Variants in LINC00305 observed in about 807,000 individuals in gnomAD.
LINC00305 encodes the protein long intergenic non-protein coding RNA 305.
chr18:64,124,221 C>A (rs1003946437), intron 1 of LINC00305, among the ~76,000 whole-genome samples: 1 of 152,132 alleles, frequency 6.6e-6, no homozygotes, highest in East Asian at 1.9e-4. Context: ...AGTATTTAAG[C>A]TCTGCATGGC....
At chr18:64,138,148 A>C (rs2051443983) in intron 1 of LINC00305, among the ~76,000 whole-genome samples, 1 of 152,208 alleles carries the variant, frequency 6.6e-6, no homozygotes, top group Non-Finnish European at 1.5e-5. Context: ...GAAGGCAGTC[A>C]GTTTGCAGGT....
chr18:64,094,742 A>G (rs2051238216), intron 3 of LINC00305, among the ~76,000 whole-genome samples: 1 of 152,108 alleles, frequency 6.6e-6, no homozygotes, highest in Non-Finnish European at 1.5e-5. Context: ...AGGTGCCTGT[A>G]ATCCCAGCTA....
At chr18:64,130,251 C>G (rs117031618) in intron 1 of LINC00305, among the ~76,000 whole-genome samples, 4 of 152,040 alleles carry the variant, frequency 2.6e-5, no homozygotes, top group Admixed American at 2.0e-4. Flanking sequence ...TTTTGTGCTT[C>G]TCATTCTTAG....
At chr18:64,121,809 C>G (rs186075949) in intron 1 of LINC00305, among the ~76,000 whole-genome samples, 1 of 152,118 alleles carries the variant, frequency 6.6e-6, no homozygotes, top group South Asian at 2.1e-4. Context: ...TTCCCAGGAA[C>G]AGTGTATAAG....
At chr18:64,100,497 C>T (rs1213045660) in intron 1 of LINC00305, among the ~76,000 whole-genome samples, 1 of 152,106 alleles carries the variant, frequency 6.6e-6, no homozygotes, top group East Asian at 1.9e-4. Context: ...TGAAATCAGT[C>T]CATCTTCTTC....
chr18:64,129,733 G>T (rs1183352469), intron 1 of LINC00305, among the ~76,000 whole-genome samples: 1 of 152,076 alleles, frequency 6.6e-6, no homozygotes, highest in Non-Finnish European at 1.5e-5. Flanking sequence ...TTTGCCTTAT[G>T]TGATATTTAC....
chr18:64,148,693 C>G (rs1290760968), intron 1 of LINC00305: 1 of 152,132 alleles, frequency 6.6e-6, no homozygotes, highest in African/African-American at 2.4e-5. Flanking sequence ...CATACAGTGG[C>G]CATAAGGTGG....
chr18:64,089,114 C>T (rs1599205352), intron 3 of LINC00305, among the ~76,000 whole-genome samples: 1 of 152,304 alleles, frequency 6.6e-6, no homozygotes, highest in African/African-American at 2.4e-5. Flanking sequence ...ACTCAAATCT[C>T]ATCTTGAATC....
intron 1 of LINC00305, among the ~76,000 whole-genome samples, chr18:64,134,747 G>A (rs936147016): frequency 6.6e-6 from 1 of 152,104 alleles, no homozygotes; most frequent in Non-Finnish European, 1.5e-5. Context: ...CAAAACAAAA[G>A]TGTACATGTG....
intron 3 of LINC00305, among the ~76,000 whole-genome samples, chr18:64,086,198 T>C (rs889884329): frequency 6.6e-6 from 1 of 152,236 alleles, no homozygotes; most frequent in African/African-American, 2.4e-5. Flanking sequence ...TAATAATCAC[T>C]TAAAGTCATA....
intron 1 of LINC00305, among the ~76,000 whole-genome samples, chr18:64,103,857 CA>C (rs1175873635): frequency 1.3e-5 from 2 of 152,110 alleles, no homozygotes; most frequent in East Asian, 3.8e-4. Context: ...ATTTTAGCCT[CA>C]AAAAATGTAG....
intron 3 of LINC00305, among the ~76,000 whole-genome samples, chr18:64,084,508 TTGC>T (rs2051196214): frequency 6.6e-6 from 1 of 152,258 alleles, no homozygotes; most frequent in Non-Finnish European, 1.5e-5. Context: ...AAAAACAATG[TTGC>T]TGACCTCTTT....
At chr18:64,127,677 C>T (rs1227113985) in intron 1 of LINC00305, among the ~76,000 whole-genome samples, 1 of 152,072 alleles carries the variant, frequency 6.6e-6, no homozygotes, top group Non-Finnish European at 1.5e-5. Flanking sequence ...ACCAAGGAAG[C>T]AACCCCTTTA....
chr18:64,082,885 T>C (rs1028989746), intron 3 of LINC00305, among the ~76,000 whole-genome samples: 1 of 152,172 alleles, frequency 6.6e-6, no homozygotes, highest in African/African-American at 2.4e-5. Flanking sequence ...ATCTTTCTTC[T>C]TTTAAAATTC....
chr18:64,105,214 A>G (rs2051285085), intron 1 of LINC00305, among the ~76,000 whole-genome samples: 1 of 152,154 alleles, frequency 6.6e-6, no homozygotes. Context: ...TAATCCCAGC[A>G]CTTAGGGAGG....
At chr18:64,144,770 T>C (rs1417734165) in intron 1 of LINC00305, among the ~76,000 whole-genome samples, 1 of 152,170 alleles carries the variant, frequency 6.6e-6, no homozygotes, top group Non-Finnish European at 1.5e-5. Flanking sequence ...GTAAAGACAA[T>C]GCCAGGTTGG....
intron 1 of LINC00305, among the ~76,000 whole-genome samples, chr18:64,107,563 A>G (rs1029726253): frequency 2.0e-5 from 3 of 152,350 alleles, no homozygotes; most frequent in Non-Finnish European, 2.9e-5. Flanking sequence ...TGACTGATGA[A>G]AATGAATGGA....
chr18:64,092,028 G>T (rs927205085), intron 3 of LINC00305, among the ~76,000 whole-genome samples: 4 of 152,132 alleles, frequency 2.6e-5, no homozygotes, highest in African/African-American at 4.8e-5. Context: ...AATAAAAATG[G>T]ATTAGTTCAT....
chr18:64,143,616 A>G (rs1347634604), intron 1 of LINC00305, among the ~76,000 whole-genome samples: 17 of 123,778 alleles, frequency 1.4e-4, no homozygotes, highest in Admixed American at 4.5e-4. Flanking sequence ...GTACATATGT[A>G]CACATATGTA....
Sources: allele counts gnomAD v4.1 joint callset (sites outside exome capture counted in the v4.1 genomes callset), GRCh38; gene constraint gnomAD v4.1.1; transcripts MANE v1.5; gene names NCBI Gene and HGNC (gene_info 2026-07-23, HGNC 2026-07-21).